The following ERLIN2 variants were observed in gnomAD, a reference collection of about 807,000 sequenced individuals.
ERLIN2 encodes the protein ER lipid raft associated 2.
Under a neutral mutation model 41.5 loss-of-function variants are expected in ERLIN2, and 22 were observed. The observed-to-expected ratio is 0.53, with a 90% CI of 0.38 to 0.76. ERLIN2 has a LOEUF of 0.76. Among genes scored for constraint, ERLIN2 ranks in the 30% least tolerant of loss-of-function variants. ERLIN2 has a pLI of 0.00. For synonymous variants in ERLIN2, 149 were observed against 150.9 expected, an observed-to-expected ratio of 0.99 and a Z score of 0.09; for missense variants, 247 against 414.3, an observed-to-expected ratio of 0.60 and a Z score of 3.51.
At chr8:37,753,294 A>G (rs1803268845) in intron 10 of ERLIN2, among the ~76,000 whole-genome samples, 156 bp from the exon 11 acceptor site, 1 of 152,262 alleles carries the variant, frequency 6.6e-6, no homozygotes, top group Non-Finnish European at 1.5e-5. Context: ...AAATGCATGT[A>G]AAACACAGAG....
At chr8:37,743,748 C>T (rs1802937258) in intron 4 of ERLIN2, among the ~76,000 whole-genome samples, 1 of 151,688 alleles carries the variant, frequency 6.6e-6, no homozygotes, top group African/African-American at 2.4e-5. Context: ...ACAGTGCTCA[C>T]CAAAGTAAAG....
intron 4 of ERLIN2, among the ~76,000 whole-genome samples, chr8:37,742,073 G>A (rs1472547809): frequency 1.3e-5 from 2 of 152,036 alleles, no homozygotes; most frequent in African/African-American, 4.8e-5. Flanking sequence ...GCCGGGCGCG[G>A]TGGCTCACAC....
Position 37,753,937 on chromosome 8 carries a change from T to G in ERLIN2, c.842T>G (p.Leu281Arg). The change falls in exon 12 of 12, where the codon CTG becomes CGG. Residue 281 changes from leucine (L) to arginine (R), a missense_variant. Transcript: ENST00000519638. ...CAGCTGAAGCTAACCCCTGAATATC[T>G]GCAGCTGATGAAGTACAAGGCCATT... ...ANKLKLTPEY[L>R]QLMKYKAIAS... is the part of the protein sequence containing the mutation. 1.2e-6 allele frequency: 2 copies of G among 1,613,638 alleles called. No homozygotes were observed. Among genetic ancestry groups the G allele is most frequent in the Non-Finnish European group, 1.7e-6 (2 of 1,179,758 alleles).
At chr8:37,739,334 A>G (rs1332130822) in intron 2 of ERLIN2, among the ~76,000 whole-genome samples, 1 of 152,256 alleles carries the variant, frequency 6.6e-6, no homozygotes, top group African/African-American at 2.4e-5. Context: ...TCAATTATTT[A>G]TAAAGTACTT....
chr8:37,749,480 C>T (rs982659120), intron 6 of ERLIN2, 79 bp from the exon 7 acceptor site: 12 of 942,196 alleles, frequency 1.3e-5, no homozygotes, highest in Middle Eastern at 4.1e-4. Flanking sequence ...GGTGATTGAG[C>T]TTGCACTTTA....
chr8:37,742,512 G>A (rs113745838), intron 4 of ERLIN2, among the ~76,000 whole-genome samples: 7 of 151,944 alleles, frequency 4.6e-5, no homozygotes, highest in African/African-American at 1.5e-4. Flanking sequence ...ACGGGACATG[G>A]ATGGAGCTGG....
chr8:37,753,908 T>G lies in ERLIN2; in HGVS notation c.820-7T>G, dbSNP rs1273305313. ...TAAGTCTTCCATACTTTTTTTTTTTTTAACAGCTGAAGCTAACCCCTGAAT... is the reference window on the plus strand; with the variant it reads ...TAAGTCTTCCATACTTTTTTTTTTTGTAACAGCTGAAGCTAACCCCTGAAT... On this transcript the variant is annotated splice_polypyrimidine_tract_variant and splice_region_variant and intron_variant, in intron 11 of 11. Coordinates refer to ENST00000519638, the MANE Select transcript of ERLIN2 (RefSeq NM_007175.8). The G allele has an allele frequency of 2.2e-5, 35 of 1,612,674 alleles. No homozygotes were observed. Among genetic ancestry groups the G allele is most frequent in the Non-Finnish European group, 2.8e-5 (33 of 1,178,868 alleles).
At chr8:37,744,865 T>A (rs765493075) in intron 6 of ERLIN2, 169 bp downstream of exon 6, 13 of 757,332 alleles carry the variant, frequency 1.7e-5, no homozygotes, top group African/African-American at 1.5e-4. Flanking sequence ...TCATGGAGAA[T>A]GCTGATAGCT....
At chr8:37,738,779 G>T (rs945309855) in intron 2 of ERLIN2, among the ~76,000 whole-genome samples, 1 of 152,070 alleles carries the variant, frequency 6.6e-6, no homozygotes, top group Admixed American at 6.5e-5. Flanking sequence ...CAGTTATTTG[G>T]GGGGCTGAGG....
intron 4 of ERLIN2, among the ~76,000 whole-genome samples, chr8:37,742,498 T>G (rs1226760397): frequency 0.018 from 2 of 114 alleles, no homozygotes; most frequent in African/African-American, 0.036. Flanking sequence ...ATCATGTCCT[T>G]TGCACGGGAC....
intron 4 of ERLIN2, 102 bp from the exon 5 acceptor site, chr8:37,744,253 A>T: frequency 9.9e-7 from 1 of 1,006,902 alleles, no homozygotes; most frequent in Non-Finnish European, 1.6e-6. Flanking sequence ...GAACTCTTCT[A>T]CTCCTTTTCT....
chr8:37,742,574 T>A (rs1004214681), intron 4 of ERLIN2, among the ~76,000 whole-genome samples: 3 of 152,122 alleles, frequency 2.0e-5, no homozygotes, highest in African/African-American at 7.2e-5. Flanking sequence ...AAACACCACA[T>A]GTTCTCACTT....
chr8:37,754,833 TTG>T lies in ERLIN2; in HGVS notation c.*720_*721del, dbSNP rs1803317735. 6.5e-6 allele frequency: 1 copy of T among 152,800 alleles called. No homozygotes were observed. Among genetic ancestry groups the T allele is most frequent in the Non-Finnish European group, 1.5e-5 (1 of 68,272 alleles). The allele number at this position is 152,800 out of a possible 1,614,324, so 9.5% of individuals were successfully genotyped here. ...GGCATCTTTTCACCTATGCTGTGAT[TTG>T]TTTTTTTTTTTTCTTCTCAAAAATT... On this transcript the variant is annotated 3_prime_UTR_variant, in exon 12 of 12. Coordinates refer to ENST00000519638, the MANE Select transcript of ERLIN2 (RefSeq NM_007175.8).
chr8:37,747,876 A>G, intron 6 of ERLIN2: 1 of 1,614,028 alleles, frequency 6.2e-7, no homozygotes, highest in South Asian at 1.1e-5. Context: ...TCTCTAACTG[A>G]CAGTCCAGCA....
At chr8:37,744,892 A>G in intron 6 of ERLIN2, 196 bp downstream of exon 6, 1 of 711,570 alleles carries the variant, frequency 1.4e-6, no homozygotes, top group Non-Finnish European at 2.5e-6. Context: ...CAAGATCCTT[A>G]GAGGGCTGGA....
intron 6 of ERLIN2, 81 bp downstream of exon 6, chr8:37,744,777 T>C: frequency 6.7e-7 from 1 of 1,495,930 alleles, no homozygotes; most frequent in South Asian, 1.1e-5. Flanking sequence ...AAAGCCTGGC[T>C]GCCTGCAGGG....
At position 37,749,887 on chromosome 8, in the gene ERLIN2, C is replaced by T. The variant is rs574834517; in HGVS notation, c.557+35C>T. ...CCCTCCGCCTGGGCTGTGACCACCA[C>T]TGCCTCCCACCTCCCACCTCGTCCC... On this transcript the variant is annotated intron_variant, in intron 8 of 11. Coordinates refer to ENST00000519638, the MANE Select transcript of ERLIN2 (RefSeq NM_007175.8). 5 of 1,576,862 alleles carry T rather than the reference C, an allele frequency of 3.2e-6. No individual in the cohort carries two copies. In the African/African-American group the frequency reaches 5.4e-5, roughly 17 times the overall value.
intron 2 of ERLIN2, among the ~76,000 whole-genome samples, chr8:37,738,996 AT>A (rs1802758794): frequency 6.6e-6 from 1 of 152,186 alleles, no homozygotes; most frequent in African/African-American, 2.4e-5. Flanking sequence ...GGAACCCATT[AT>A]GTCACTGTTT....
chr8:37,747,525 A>T (rs1442431810), intron 6 of ERLIN2: 7 of 1,612,486 alleles, frequency 4.3e-6, no homozygotes, highest in Non-Finnish European at 5.9e-6. Context: ...CATCAATGGT[A>T]GACACAGTGA....
Sources: allele counts gnomAD v4.1 joint callset (sites outside exome capture counted in the v4.1 genomes callset), GRCh38; gene constraint gnomAD v4.1.1; transcripts MANE v1.5; gene names NCBI Gene and HGNC (gene_info 2026-07-23, HGNC 2026-07-21).